Variants in SPIDR observed in about 807,000 individuals in gnomAD.
SPIDR encodes the protein scaffold protein involved in DNA repair, also known as DNA repair-scaffolding protein.
A neutral mutation model predicts 104.6 loss-of-function variants in SPIDR; 93 were observed. That is an observed-to-expected ratio of 0.89 (90% CI 0.75 to 1.06). SPIDR has a LOEUF of 1.06. SPIDR is among the 50% of genes least tolerant of loss of function. SPIDR has a pLI of 0.00. For missense variants in SPIDR, 1,154 were observed against 1,111.2 expected (o/e 1.04, Z -0.55); for synonymous variants, 431 against 416.9 (o/e 1.03, Z -0.41).
chr8:47,655,084 C>T (rs1234026338), intron 10 of SPIDR, among the ~76,000 whole-genome samples: 1 of 152,152 alleles, frequency 6.6e-6, no homozygotes, highest in East Asian at 1.9e-4. Flanking sequence ...GCATAGTGTT[C>T]CATGGTGTAT....
At chr8:47,403,865 A>G (rs967351243) in intron 6 of SPIDR, among the ~76,000 whole-genome samples, 10 of 152,342 alleles carry the variant, frequency 6.6e-5, no homozygotes, top group African/African-American at 2.2e-4. Flanking sequence ...CAAAGTTCAT[A>G]TGGAACCAAA....
intron 5 of SPIDR, among the ~76,000 whole-genome samples, chr8:47,336,245 C>G (rs1299140006): frequency 1.3e-5 from 2 of 152,162 alleles, no homozygotes. Context: ...TGTTTTTACA[C>G]TTTTTGGCTG....
chr8:47,551,723 T>C (rs2090520033), intron 8 of SPIDR, among the ~76,000 whole-genome samples: 1 of 152,192 alleles, frequency 6.6e-6, no homozygotes, highest in Non-Finnish European at 1.5e-5. Context: ...AAAAACCAGC[T>C]CCTGGATTCA....
At chr8:47,426,181 G>A (rs1188466544) in intron 7 of SPIDR, among the ~76,000 whole-genome samples, 1 of 152,160 alleles carries the variant, frequency 6.6e-6, no homozygotes, top group Non-Finnish European at 1.5e-5. Flanking sequence ...TTAAACCCGG[G>A]AGGCGGAGTT....
chr8:47,691,290 C>CAAAAAA (rs60147394), intron 11 of SPIDR, among the ~76,000 whole-genome samples: 1 of 86,666 alleles, frequency 1.2e-5, no homozygotes, highest in African/African-American at 4.8e-5. Flanking sequence ...GACTCCGTCT[C>CAAAAAA]AAAAAAAAAA....
At chr8:47,262,134 TTAAC>T (rs1416501542) in intron 1 of SPIDR, among the ~76,000 whole-genome samples, 3 of 152,230 alleles carry the variant, frequency 2.0e-5, no homozygotes, top group Non-Finnish European at 4.4e-5. Context: ...TACATTGAAG[TTAAC>T]TATATAGATG....
intron 7 of SPIDR, among the ~76,000 whole-genome samples, chr8:47,426,865 G>C (rs1554685419): frequency 6.6e-6 from 1 of 152,182 alleles, no homozygotes; most frequent in Admixed American, 6.5e-5. Context: ...TTTCAACACT[G>C]CTGTGTTGGA....
At chr8:47,278,303 A>G (rs1554555852) in intron 1 of SPIDR, among the ~76,000 whole-genome samples, 40 of 150,996 alleles carry the variant, frequency 2.6e-4, no homozygotes, top group Non-Finnish European at 4.6e-4. Context: ...CTATAGGCAC[A>G]TGCCACCACA....
rs150540527 is a variant in SPIDR, at chr8:47,581,174, G to A, written c.1098-14637G>A. Among the ~76,000 whole-genome samples, 119 of 152,074 alleles carry A rather than the reference G, an allele frequency of 7.8e-4. 2 individuals carry two copies. In the East Asian group the frequency reaches 0.013, roughly 16 times the overall value. On this transcript the variant is annotated intron_variant, in intron 8 of 19. Transcript: ENST00000297423. ...GCCATATTCTTTCTATTGCAGCACC[G>A]GTAACCTACTGTGTTTTGTTGTTTC...
At chr8:47,527,088 T>C (rs1482369602) in intron 8 of SPIDR, among the ~76,000 whole-genome samples, 1 of 152,156 alleles carries the variant, frequency 6.6e-6, no homozygotes, top group East Asian at 1.9e-4. Flanking sequence ...ATGTTTTATG[T>C]TCTATGTCTA....
At chr8:47,457,378 A>T (rs2073169801) in intron 8 of SPIDR, among the ~76,000 whole-genome samples, 1 of 152,006 alleles carries the variant, frequency 6.6e-6, no homozygotes, top group Admixed American at 6.6e-5. Context: ...GCATTTTTTC[A>T]TATGTTCATT....
chr8:47,402,222 T>G (rs1326399018), intron 6 of SPIDR, among the ~76,000 whole-genome samples: 1 of 152,144 alleles, frequency 6.6e-6, no homozygotes, highest in Non-Finnish European at 1.5e-5. Context: ...GAGGGAAATT[T>G]ATAGCACTAA....
chr8:47,601,162 T>C (rs1222009659), intron 10 of SPIDR, among the ~76,000 whole-genome samples: 1 of 152,166 alleles, frequency 6.6e-6, no homozygotes, highest in African/African-American at 2.4e-5. Context: ...GGCATGAACT[T>C]CAAAAACAAG....
Position 47,729,050 on chromosome 8 carries a change from A to T in SPIDR, c.2550+3A>T, listed in dbSNP as rs781727567. The T allele has an allele frequency of 3.1e-6, 5 of 1,613,748 alleles. No homozygotes were observed. The South Asian group carries it at 4.4e-5, about 14-fold the overall frequency. On this transcript the variant is annotated splice_donor_region_variant and intron_variant, in intron 18 of 19. Transcript: ENST00000297423. ...CGCAGTGCAGAGTGAAGGTCAAGGT[A>T]GGAGCCAGGCCAGAGCACGCACGCA...
intron 3 of SPIDR, among the ~76,000 whole-genome samples, chr8:47,288,971 T>C (rs1423672045): frequency 6.6e-6 from 1 of 152,236 alleles, no homozygotes; most frequent in Non-Finnish European, 1.5e-5. Context: ...GATTAGTGTT[T>C]CTTCCAGACC....
At chr8:47,432,598 GATAAC>G (rs1240520103) in intron 7 of SPIDR, among the ~76,000 whole-genome samples, 5 of 152,186 alleles carry the variant, frequency 3.3e-5, no homozygotes, top group Non-Finnish European at 5.9e-5. Flanking sequence ...GAAGTACAGT[GATAAC>G]ATAAAGAGAA....
chr8:47,427,000 A>G (rs868971201), intron 7 of SPIDR, among the ~76,000 whole-genome samples: 7 of 152,334 alleles, frequency 4.6e-5, no homozygotes, highest in African/African-American at 1.7e-4. Flanking sequence ...GCCTAAGAGA[A>G]TAAAGTATTA....
At chr8:47,481,401 C>A (rs1203827102) in intron 8 of SPIDR, among the ~76,000 whole-genome samples, 1 of 152,082 alleles carries the variant, frequency 6.6e-6, no homozygotes, top group Non-Finnish European at 1.5e-5. Context: ...CATTGGGAGG[C>A]CGAGGTGGGC....
chr8:47,734,319 G>A, intron 19 of SPIDR, among the ~76,000 whole-genome samples: 1 of 152,150 alleles, frequency 6.6e-6, no homozygotes, highest in East Asian at 1.9e-4. Flanking sequence ...CTGTGTTCAT[G>A]AGAAGCCAGA....
Sources: allele counts gnomAD v4.1 joint callset (sites outside exome capture counted in the v4.1 genomes callset), GRCh38; gene constraint gnomAD v4.1.1; transcripts MANE v1.5; gene names NCBI Gene and HGNC (gene_info 2026-07-23, HGNC 2026-07-21).